Variants in OSBPL3 observed in about 807,000 individuals in gnomAD.
OSBPL3 encodes oxysterol-binding protein-related protein 3.
A neutral mutation model predicts 120.1 loss-of-function variants in OSBPL3; 65 were observed. That is an observed-to-expected ratio of 0.54 (90% CI 0.44 to 0.67). OSBPL3 has a LOEUF of 0.67. OSBPL3 is among the 30% of genes least tolerant of loss of function. The pLI is 0.00. For synonymous variants in OSBPL3, 416 were observed against 402.6 expected, an observed-to-expected ratio of 1.03 and a Z score of -0.40; for missense variants, 1,004 against 1,082.1, an observed-to-expected ratio of 0.93 and a Z score of 1.01.
chr7:24,842,413 C>T lies in OSBPL3; in HGVS notation c.1267G>A (p.Glu423Lys), dbSNP rs538881941. ...VAKSGDNLAE[E>K]NSRDENRALV... ...GCTCGGTTTTCATCTCTGGAGTTTT[C>T]CTATTTGAAGAACAAAACCAAAAAT... The change falls in exon 13 of 23, where the codon GAA becomes AAA. Residue 423 changes from glutamate (E) to lysine (K), a missense_variant and splice_region_variant. Around this residue, in one of 4 missense-constraint regions of OSBPL3, gnomAD observed 272 missense variants for 248.8 expected, o/e 1.09. Coordinates refer to ENST00000313367, the MANE Select transcript of OSBPL3 (RefSeq NM_015550.4). 3 of 1,589,812 alleles carry T rather than the reference C, an allele frequency of 1.9e-6. No homozygotes were observed. Among genetic ancestry groups the T allele is most frequent in the East Asian group, 4.5e-5 (2 of 44,684 alleles).
chr7:24,889,661 T>C (rs1468455667), intron 2 of OSBPL3, among the ~76,000 whole-genome samples: 1 of 151,910 alleles, frequency 6.6e-6, no homozygotes, highest in African/African-American at 2.4e-5. Context: ...CAGAACCAAA[T>C]AGAAATGTGA....
At chr7:24,810,524 A>AAAAAC (rs1197039415) in intron 19 of OSBPL3, among the ~76,000 whole-genome samples, 39 of 152,292 alleles carry the variant, frequency 2.6e-4, no homozygotes, top group African/African-American at 7.0e-4. Context: ...GCTCCGTCTC[A>AAAAAC]AAAACAAAAC....
intron 2 of OSBPL3, among the ~76,000 whole-genome samples, chr7:24,874,521 A>C (rs1433366153): frequency 1.3e-5 from 2 of 152,230 alleles, no homozygotes; most frequent in Admixed American, 6.5e-5. Context: ...ACAAGAATTA[A>C]ATCTCAGAAC....
chr7:24,974,333 CTT>C (rs1817342973), intron 1 of OSBPL3, among the ~76,000 whole-genome samples: 1 of 152,178 alleles, frequency 6.6e-6, no homozygotes, highest in Admixed American at 6.5e-5. Context: ...TTCCTTGACT[CTT>C]TTTAACAGTT....
At chr7:24,800,639 T>G (rs1792206581) in intron 22 of OSBPL3, among the ~76,000 whole-genome samples, 1 of 151,878 alleles carries the variant, frequency 6.6e-6, no homozygotes, top group Non-Finnish European at 1.5e-5. Context: ...GTATTTTTAG[T>G]AGAGACGGGG....
At chr7:24,943,599 T>C (rs1813350382) in intron 1 of OSBPL3, among the ~76,000 whole-genome samples, 3 of 152,220 alleles carry the variant, frequency 2.0e-5, no homozygotes, top group Non-Finnish European at 4.4e-5. Context: ...GAGTTAACAC[T>C]ATAACTCTGT....
At chr7:24,847,059 C>CAAAAAA (rs10712873) in intron 12 of OSBPL3, among the ~76,000 whole-genome samples, 11 of 106,218 alleles carry the variant, frequency 1.0e-4, no homozygotes, top group Non-Finnish European at 2.1e-4. Context: ...GACTCTGTCT[C>CAAAAAA]AAAAAAAAAA....
chr7:24,935,236 A>T (rs1485127572), intron 1 of OSBPL3, among the ~76,000 whole-genome samples: 1 of 152,108 alleles, frequency 6.6e-6, no homozygotes, highest in East Asian at 1.9e-4. Context: ...TGTACCCTTC[A>T]CTCAGCACCC....
chr7:24,916,901 A>G lies in OSBPL3; in HGVS notation c.-149-24280T>C, dbSNP rs1809622851. 7.0e-6 allele frequency among the ~76,000 whole-genome samples: 1 copy of G among 143,086 alleles called. No individual in the cohort carries two copies. The allele number at this position is 143,086 out of a possible 152,430, so 93.9% of individuals were successfully genotyped here. ...AAACCAGGTTTACTGGCAGCCACTA[A>G]GACGTCTTCCATTTCCACCCCCCCC... is the stretch of plus-strand genomic sequence containing the variant. On this transcript the variant is annotated intron_variant, in intron 1 of 22. Transcript: ENST00000313367. This position sits in a 1 kb window ranked among gnomAD's most constrained non-coding sequence, Gnocchi z 4.9.
rs1310560043 is a variant in OSBPL3 at position 24,821,649 on chromosome 7, G to A, written c.1885-1411C>T. 6.6e-6 allele frequency among the ~76,000 whole-genome samples: 1 copy of A among 152,186 alleles called. No homozygotes were observed. Among genetic ancestry groups the A allele is most frequent in the African/African-American group, 2.4e-5 (1 of 41,438 alleles). On this transcript the variant is annotated intron_variant, in intron 16 of 22. Coordinates refer to ENST00000313367, the MANE Select transcript of OSBPL3 (RefSeq NM_015550.4). This position sits in a 1 kb window ranked among gnomAD's most constrained non-coding sequence, Gnocchi z 5.5. ...GCCAAAGAAAGGTAGAGACAAAGAC[G>A]TAAATCATGTAGGCATCTTTCAGAT...
rs1454680729 is a variant in OSBPL3, at chr7:24,932,651, G to A, written c.-149-40030C>T. On this transcript the variant is annotated intron_variant, in intron 1 of 22. Coordinates refer to ENST00000313367, the MANE Select transcript of OSBPL3 (RefSeq NM_015550.4). The surrounding 1 kb of genome is among the most constrained non-coding windows in gnomAD (Gnocchi z 5.6). ...AGGCACTGTCTACCAACCAAAAAAC[G>A]AGCCTCCCAAGACACCAAATCCAAT... Among the ~76,000 whole-genome samples the A allele has an allele frequency of 6.6e-6, 1 of 152,064 alleles. No individual in the cohort carries two copies.
chr7:24,843,970 A>G (rs918640035), intron 12 of OSBPL3, among the ~76,000 whole-genome samples: 1 of 152,238 alleles, frequency 6.6e-6, no homozygotes, highest in Non-Finnish European at 1.5e-5. Context: ...ATTTATTACT[A>G]GTCACTCCTG....
chr7:24,816,462 G>A (rs1260830432), intron 18 of OSBPL3, 148 bp downstream of exon 18: 2 of 634,610 alleles, frequency 3.2e-6, no homozygotes, highest in Non-Finnish European at 5.7e-6. Flanking sequence ...GCCAAAAGGA[G>A]GAACATTTAA....
In OSBPL3 at chr7:24,979,969, C is replaced by T. The variant is rs1818104065; in HGVS notation, c.-233G>A. 9.1e-6 allele frequency: 9 copies of T among 985,256 alleles called. No individual in the cohort carries two copies. Among genetic ancestry groups the T allele is most frequent in the African/African-American group, 1.7e-5 (1 of 57,242 alleles). 61.0% of individuals were successfully genotyped at this position (985,256 alleles called of 1,614,324 possible). A position where few individuals can be genotyped will look rare whatever the true frequency, so the allele number is the denominator to read the frequency against. On this transcript the variant is annotated 5_prime_UTR_variant, in exon 1 of 23. Coordinates refer to ENST00000313367, the MANE Select transcript of OSBPL3 (RefSeq NM_015550.4). The stretch of plus-strand genomic sequence containing the variant: ...GCGCACAGAACCGGGAGAAGGCAAC[C>T]CCGGCTTCTCCGGTACCCCCGCAAC...
At position 24,916,924 on chromosome 7, in the gene OSBPL3, C is replaced by CA. The variant is rs1554404737; in HGVS notation, c.-149-24304_-149-24303insT. Among the ~76,000 whole-genome samples the CA allele has an allele frequency of 6.6e-6, 1 of 151,612 alleles. No homozygotes were observed. ...TAAGACGTCTTCCATTTCCACCCCC[C>CA]CCAACCTTTTTAGAAAATTAAATAA... On this transcript the variant is annotated intron_variant, in intron 1 of 22. Coordinates refer to ENST00000313367, the MANE Select transcript of OSBPL3 (RefSeq NM_015550.4). This position sits in a 1 kb window ranked among gnomAD's most constrained non-coding sequence, Gnocchi z 4.9.
rs1370275290 is a variant in OSBPL3, at chr7:24,813,292, C to T, written c.2172+1767G>A. Among the ~76,000 whole-genome samples the T allele has an allele frequency of 3.3e-5, 5 of 152,284 alleles. No individual in the cohort carries two copies. Among genetic ancestry groups the T allele is most frequent in the South Asian group, 2.1e-4 (1 of 4,828 alleles). ...AAGGGACACTGTCACCTTCCACAGGCGAGTGTGGCATCCACTTGCAGCATC... is the reference window on the plus strand; with the variant it reads ...AAGGGACACTGTCACCTTCCACAGGTGAGTGTGGCATCCACTTGCAGCATC... On this transcript the variant is annotated intron_variant, in intron 19 of 22. Coordinates refer to ENST00000313367, the MANE Select transcript of OSBPL3 (RefSeq NM_015550.4). The surrounding 1 kb of genome is among the most constrained non-coding windows in gnomAD (Gnocchi z 4.5).
rs1410732223 is a variant in OSBPL3, at chr7:24,916,157, G to T, written c.-149-23536C>A. Among the ~76,000 whole-genome samples the T allele has an allele frequency of 6.6e-6, 1 of 152,182 alleles. No individual in the cohort carries two copies. The highest frequency in any genetic ancestry group is 1.5e-5 in the Non-Finnish European group (1 of 68,026). ...TTTCACCTCTCTTCTGAACCTAAGA[G>T]AACAAATACTCTTATGCTACAGAAT... is the stretch of plus-strand genomic sequence containing the variant. On this transcript the variant is annotated intron_variant, in intron 1 of 22. Coordinates refer to ENST00000313367, the MANE Select transcript of OSBPL3 (RefSeq NM_015550.4). This position sits in a 1 kb window ranked among gnomAD's most constrained non-coding sequence, Gnocchi z 4.9.
Position 24,803,621 on chromosome 7 carries a change from A to G in OSBPL3, c.2567+694T>C, listed in dbSNP as rs1229381270. 6.6e-6 allele frequency among the ~76,000 whole-genome samples: 1 copy of G among 152,024 alleles called. No homozygotes were observed. The highest frequency in any genetic ancestry group is 2.4e-5 in the African/African-American group (1 of 41,388). ...CCCCGTCTCTACTAAAAATACAAAA[A>G]TTAGCCGGGCATGGTGGCACGCGCC... On this transcript the variant is annotated intron_variant, in intron 22 of 22. Transcript: ENST00000313367. This position sits in a 1 kb window ranked among gnomAD's most constrained non-coding sequence, Gnocchi z 4.2.
Position 24,872,446 on chromosome 7 carries a change from AGAGTGTGTGTGT to A in OSBPL3, c.97-389_97-378del, listed in dbSNP as rs988686408. Among the ~76,000 whole-genome samples the A allele has an allele frequency of 7.2e-5, 6 of 83,390 alleles. No homozygotes were observed. The highest frequency in any genetic ancestry group is 2.2e-4 in the African/African-American group (5 of 22,382). 54.7% of individuals were successfully genotyped at this position (83,390 alleles called of 152,430 possible). A position where few individuals can be genotyped will look rare whatever the true frequency, so the allele number is the denominator to read the frequency against. On this transcript the variant is annotated intron_variant, in intron 2 of 22. Transcript: ENST00000313367. The surrounding 1 kb of genome is among the most constrained non-coding windows in gnomAD (Gnocchi z 4.1). The stretch of plus-strand genomic sequence containing the variant: ...CTTCAGTCTGAATTTTAACCGAAAG[AGAGTGTGTGTGT>A]GTGTGTGTGTGTGTGTGTGTGTGTG...
Sources: allele counts gnomAD v4.1 joint callset (sites outside exome capture counted in the v4.1 genomes callset), GRCh38; gene constraint gnomAD v4.1.1; regional missense constraint gnomAD v4.1.1; non-coding constraint Gnocchi (gnomAD v3.1); transcripts MANE v1.5; gene names NCBI Gene and HGNC (gene_info 2026-07-23, HGNC 2026-07-21).